The following PCDH15 variants were observed in gnomAD, a reference collection of about 807,000 sequenced individuals.
The protein encoded by PCDH15 is protocadherin related 15.
A neutral mutation model predicts 178.5 loss-of-function variants in PCDH15; 129 were observed. The ratio of observed to expected loss-of-function variants is 0.72; its 90% CI spans 0.63 to 0.84. PCDH15 has a LOEUF of 0.84. Among genes scored for constraint, PCDH15 ranks in the 40% least tolerant of loss-of-function variants. The pLI is 0.00. For synonymous variants in PCDH15, 800 were observed against 732.0 expected, an observed-to-expected ratio of 1.09 and a Z score of -1.50; for missense variants, 2,230 against 2,099.9, an observed-to-expected ratio of 1.06 and a Z score of -1.21.
chr10:54,085,575 A>T (rs2094502286), intron 16 of PCDH15, among the ~76,000 whole-genome samples: 1 of 152,182 alleles, frequency 6.6e-6, no homozygotes, highest in South Asian at 2.1e-4. Context: ...AGACACTATG[A>T]AAAGATACTA....
Position 55,216,163 on chromosome 10 carries a change from C to T in PCDH15, c.-155-49512G>A, listed in dbSNP as rs117599253. On this transcript the variant is annotated intron_variant, in intron 1 of 5. Transcript: ENST00000458638. ...AAGTCCTTGGCATAGAATAGGTGCT[C>T]AACAAATGTTAGTTTATATTGCACA... is the stretch of plus-strand genomic sequence containing the variant. Among the ~76,000 whole-genome samples, 646 of 151,634 alleles carry T rather than the reference C, an allele frequency of 4.3e-3. 6 individuals carry two copies. Among genetic ancestry groups the T allele is most frequent in the Admixed American group, 9.0e-3 (137 of 15,196 alleles).
intron 3 of PCDH15, among the ~76,000 whole-genome samples, chr10:54,868,731 A>G (rs1953982975): frequency 1.3e-5 from 2 of 152,210 alleles, no homozygotes; most frequent in Admixed American, 1.3e-4. Flanking sequence ...CACAGAGTCA[A>G]TATAGATTAG....
intron 1 of PCDH15, among the ~76,000 whole-genome samples, chr10:55,294,782 T>G (rs1397150145): frequency 6.6e-6 from 1 of 152,212 alleles, no homozygotes; most frequent in Non-Finnish European, 1.5e-5. Flanking sequence ...GTACATATTC[T>G]GGACCAAGGT....
chr10:54,339,700 T>A (rs1229854345), intron 6 of PCDH15, among the ~76,000 whole-genome samples: 1 of 152,194 alleles, frequency 6.6e-6, no homozygotes, highest in Admixed American at 6.5e-5. Flanking sequence ...AATCACTTTT[T>A]AACAAAGAAC....
chr10:54,609,321 C>G (rs1565734527), intron 2 of PCDH15, among the ~76,000 whole-genome samples: 3 of 151,934 alleles, frequency 2.0e-5, no homozygotes, highest in African/African-American at 7.2e-5. Context: ...AACTTGCACA[C>G]AAGTAAAGGA....
At chr10:54,955,914 C>T (rs118184731) in intron 2 of PCDH15, among the ~76,000 whole-genome samples, 12 of 151,458 alleles carry the variant, frequency 7.9e-5, no homozygotes, top group Middle Eastern at 3.4e-3. Context: ...ACATGCACTA[C>T]ATATAATTGC....
chr10:54,262,006 C>T (rs1426440834), intron 8 of PCDH15, among the ~76,000 whole-genome samples: 2 of 152,122 alleles, frequency 1.3e-5, no homozygotes, highest in Non-Finnish European at 2.9e-5. Context: ...GCCCATATAC[C>T]TTGAACAAAC....
intron 1 of PCDH15, among the ~76,000 whole-genome samples, chr10:54,707,999 A>G (rs1342401916): frequency 6.6e-6 from 1 of 152,216 alleles, no homozygotes; most frequent in Non-Finnish European, 1.5e-5. Context: ...AAGTAAGTAA[A>G]TAAGTCAGAG....
chr10:54,421,671 C>CATAT lies in PCDH15; in HGVS notation c.158-42733_158-42730dup, dbSNP rs369324916. On this transcript the variant is annotated intron_variant, in intron 3 of 37. Transcript: ENST00000644397. ...TATGTACATGTGTAGTGTATATATA[C>CATAT]ATATATATATATATATATATATACA... Among the ~76,000 whole-genome samples, 39 of 109,938 alleles carry CATAT rather than the reference C, an allele frequency of 3.5e-4. 1 individual carries two copies. The highest frequency in any genetic ancestry group is 1.8e-3 in the South Asian group (6 of 3,244). The allele number at this position is 109,938 out of a possible 152,430, so 72.1% of individuals were successfully genotyped here.
At chr10:54,984,937 TA>T (rs1839327294) in intron 2 of PCDH15, among the ~76,000 whole-genome samples, 1 of 152,168 alleles carries the variant, frequency 6.6e-6, no homozygotes, top group Admixed American at 6.6e-5. Context: ...TTTGATTAAG[TA>T]ATTTTGTAAG....
At chr10:55,582,617 T>TAC (rs1842640506) in intron 2 of PCDH15, among the ~76,000 whole-genome samples, 6 of 99,110 alleles carry the variant, frequency 6.1e-5, no homozygotes, top group African/African-American at 2.3e-4. Context: ...TATATATATA[T>TAC]ATATATATAT....
chr10:54,073,840 T>C (rs939065868), intron 17 of PCDH15, among the ~76,000 whole-genome samples: 48 of 152,342 alleles, frequency 3.2e-4, no homozygotes, highest in African/African-American at 1.1e-3. Flanking sequence ...TTTATTTATA[T>C]CTTTCACTGT....
At chr10:54,507,728 A>G (rs1044742763) in intron 3 of PCDH15, among the ~76,000 whole-genome samples, 2 of 152,048 alleles carry the variant, frequency 1.3e-5, no homozygotes, top group African/African-American at 4.8e-5. Context: ...GTATAAGTCA[A>G]GATCTGAAAC....
chr10:54,297,935 A>G (rs1213645846), intron 8 of PCDH15, among the ~76,000 whole-genome samples: 1 of 152,226 alleles, frequency 6.6e-6, no homozygotes, highest in Non-Finnish European at 1.5e-5. Flanking sequence ...AGCTTAATCA[A>G]GTAAATGATA....
At chr10:54,684,845 C>T (rs1217880129) in intron 1 of PCDH15, among the ~76,000 whole-genome samples, 4 of 151,932 alleles carry the variant, frequency 2.6e-5, no homozygotes, top group African/African-American at 9.7e-5. Context: ...TGTCTGAAAA[C>T]TTAGGCTACA....
chr10:54,856,313 A>G (rs1361767546), intron 3 of PCDH15, among the ~76,000 whole-genome samples: 1 of 152,180 alleles, frequency 6.6e-6, no homozygotes, highest in African/African-American at 2.4e-5. Flanking sequence ...CAGAGGCTTC[A>G]GACATCAACA....
intron 2 of PCDH15, among the ~76,000 whole-genome samples, chr10:55,522,205 A>G (rs1841191525): frequency 6.6e-6 from 1 of 151,898 alleles, no homozygotes; most frequent in Non-Finnish European, 1.5e-5. Flanking sequence ...CTTTGCAAAC[A>G]TTTGTTATAA....
chr10:55,071,450 G>A (rs977178807), intron 2 of PCDH15, among the ~76,000 whole-genome samples: 7 of 152,080 alleles, frequency 4.6e-5, no homozygotes, highest in African/African-American at 1.7e-4. Flanking sequence ...TGCAATCCTA[G>A]TCTCTGATAA....
intron 1 of PCDH15, among the ~76,000 whole-genome samples, chr10:55,311,508 G>A (rs531078170): frequency 5.3e-5 from 8 of 152,284 alleles, no homozygotes; most frequent in African/African-American, 1.2e-4. Context: ...AAGGTTTACC[G>A]AAGGTATTTA....
Sources: allele counts gnomAD v4.1 joint callset (sites outside exome capture counted in the v4.1 genomes callset), GRCh38; gene constraint gnomAD v4.1.1; transcripts MANE v1.5; gene names NCBI Gene and HGNC (gene_info 2026-07-23, HGNC 2026-07-21).